TPCN2: variants seen among roughly 807,000 people sequenced by gnomAD.
TPCN2 encodes two pore channel protein 2.
In TPCN2, 92 loss-of-function variants were observed where a neutral mutation model predicts 111.4. That is an observed-to-expected ratio of 0.83 (90% CI 0.70 to 0.98). The LOEUF (loss-of-function observed/expected upper bound fraction) is 0.98. TPCN2 is among the 50% of genes least tolerant of loss of function. The probability of loss-of-function intolerance (pLI) is 0.00; values close to 1 mark genes in which losing one functional copy is unlikely to be tolerated. For synonymous variants in TPCN2, 405 were observed against 414.5 expected (o/e 0.98, Z 0.28); for missense variants, 995 against 980.1 (o/e 1.02, Z -0.20).
chr11:69,084,798 C>CTGCCCAGCCCCCTAACT (rs1856202361), intron 19 of TPCN2: 1 of 985,334 alleles, frequency 1.0e-6, no homozygotes, highest in Non-Finnish European at 1.2e-6. Context: ...CAGGTGCTGT[C>CTGCCCAGCCCCCTAACT]TGCCCAGCCC....
intron 5 of TPCN2, among the ~76,000 whole-genome samples, chr11:69,060,310 T>G (rs1417309866): frequency 6.6e-6 from 1 of 152,228 alleles, no homozygotes; most frequent in Non-Finnish European, 1.5e-5. Flanking sequence ...TGTTTCCGGC[T>G]GGGCCGGCTA....
Position 69,087,951 on chromosome 11 carries a change from T to A in TPCN2, c.2257T>A (p.Ter753ArgextTer123). The A allele has an allele frequency of 6.2e-7, 1 of 1,607,276 alleles. No homozygotes were observed. Among genetic ancestry groups the A allele is most frequent in the Non-Finnish European group, 8.5e-7 (1 of 1,178,432 alleles). Residue 753 changes from the stop codon to arginine (R), a stop_lost, in exon 25 of 25, where the codon TGA becomes AGA. Transcript: ENST00000294309. ...GCACCCGCACCTGTGGCTGTGCAGG[T>A]GACGTCCGGGCTGCCGTCCCAGCAG... Reference protein sequence around the residue: ...SQHPHLWLCR* With the variant: ...SQHPHLWLCRR
intron 3 of TPCN2, 127 bp from the exon 4 acceptor site, chr11:69,055,048 C>A (rs1295467771): frequency 1.0e-5 from 11 of 1,048,132 alleles, no homozygotes; most frequent in Non-Finnish European, 1.4e-5. Flanking sequence ...CGTGATCTCC[C>A]CAGTCACGAG....
chr11:69,067,894 C>T (rs979201822), intron 8 of TPCN2, among the ~76,000 whole-genome samples: 4 of 152,072 alleles, frequency 2.6e-5, no homozygotes, highest in African/African-American at 9.7e-5. Context: ...TCTCCTCTTC[C>T]TCCTTGTCTA....
At chr11:69,066,653 C>T (rs1855285494) in intron 7 of TPCN2, among the ~76,000 whole-genome samples, 1 of 152,208 alleles carries the variant, frequency 6.6e-6, no homozygotes, top group South Asian at 2.1e-4. Context: ...GCGGGGTTGC[C>T]CCTTGGCCAG....
At chr11:69,065,444 C>T (rs994116984) in intron 7 of TPCN2, among the ~76,000 whole-genome samples, 10 of 152,124 alleles carry the variant, frequency 6.6e-5, no homozygotes, top group African/African-American at 1.2e-4. Flanking sequence ...TTCTGCCCCA[C>T]GAAGGGGACC....
chr11:69,073,090 C>A, intron 13 of TPCN2, 89 bp downstream of exon 13: 3 of 977,628 alleles, frequency 3.1e-6, no homozygotes, highest in South Asian at 1.3e-5. Flanking sequence ...TTCTAATGAT[C>A]AGTGCTGGGA....
chr11:69,083,670 C>G (rs11228485), intron 18 of TPCN2, among the ~76,000 whole-genome samples: 1 of 151,810 alleles, frequency 6.6e-6, no homozygotes, highest in Admixed American at 6.6e-5. Context: ...TGAGTGAGTG[C>G]GTGCGGGTGG....
chr11:69,059,453 G>A (rs1472892025), intron 5 of TPCN2, among the ~76,000 whole-genome samples: 1 of 152,222 alleles, frequency 6.6e-6, no homozygotes, highest in African/African-American at 2.4e-5. Context: ...TCTTCACCAT[G>A]TTCACTCCCA....
intron 4 of TPCN2, 87 bp from the exon 5 acceptor site, chr11:69,057,491 T>C: frequency 7.8e-7 from 1 of 1,282,560 alleles, no homozygotes; most frequent in Non-Finnish European, 1.1e-6. Flanking sequence ...TCTGGTCGCC[T>C]GGTCCCTGCG....
rs1425986917 is a variant in TPCN2 at position 69,087,909 on chromosome 11, A to C, written c.2215A>C (p.Thr739Pro). ...GGAGGAGCCCGGGGAGGATGAGCTCACAGAGAGGCTGAGCCAGCACCCGCA... is the reference window on the plus strand; with the variant it reads ...GGAGGAGCCCGGGGAGGATGAGCTCCCAGAGAGGCTGAGCCAGCACCCGCA... Reference protein sequence around the residue: ...ILEEPGEDELTERLSQHPHLW... With the variant: ...ILEEPGEDELPERLSQHPHLW... The change falls in exon 25 of 25, where the codon ACA becomes CCA. Residue 739 changes from threonine to proline, a missense_variant. Coordinates refer to ENST00000294309, the MANE Select transcript of TPCN2 (RefSeq NM_139075.4). 1 of 1,612,478 alleles carries C rather than the reference A, an allele frequency of 6.2e-7. No individual in the cohort carries two copies. The highest frequency in any genetic ancestry group is 1.1e-5 in the South Asian group (1 of 90,914).
chr11:69,057,143 T>C (rs1261106141), intron 4 of TPCN2, among the ~76,000 whole-genome samples: 2 of 152,176 alleles, frequency 1.3e-5, no homozygotes, highest in Admixed American at 6.5e-5. Flanking sequence ...CTGGGGACTT[T>C]CTTGATGGTG....
Position 69,078,806 on chromosome 11 carries a change from C to T in TPCN2, c.1410+13C>T, listed in dbSNP as rs766941681. The T allele has an allele frequency of 6.2e-7, 1 of 1,614,116 alleles. No individual in the cohort carries two copies. Among genetic ancestry groups the T allele is most frequent in the South Asian group, 1.1e-5 (1 of 91,088 alleles). On this transcript the variant is annotated intron_variant, in intron 15 of 24. Coordinates refer to ENST00000294309, the MANE Select transcript of TPCN2 (RefSeq NM_139075.4). ...CTTCATCCTGGGGGTAAGTTCTGAG[C>T]TGTCCACCTGTCAGGGCCAGGGTGA...
rs368657235 is a variant in TPCN2 at position 69,081,437 on chromosome 11, A to T, written c.1627A>T (p.Met543Leu). The change falls in exon 18 of 25, where the codon ATG (methionine) becomes TTG (leucine). Residue 543 changes from methionine to leucine, a missense_variant. Physicochemically the swap from Met to Leu is conservative, Grantham distance 15 (BLOSUM62 2). Coordinates refer to ENST00000294309, the MANE Select transcript of TPCN2 (RefSeq NM_139075.4). ...GGTGGGCCTGCTGTCGCTGTGGGAC[A>T]TGACCCGCATGCTGAACATGCTCAT... is the stretch of plus-strand genomic sequence containing the variant. ...EMVGLLSLWD[M>L]TRMLNMLIVF... 2 of 1,571,572 alleles carry T rather than the reference A, an allele frequency of 1.3e-6. No individual in the cohort carries two copies. Among genetic ancestry groups the T allele is most frequent in the Non-Finnish European group, 1.7e-6 (2 of 1,158,518 alleles).
chr11:69,079,203 G>A (rs775908422), intron 16 of TPCN2, 183 bp downstream of exon 16: 280 of 734,214 alleles, frequency 3.8e-4, no homozygotes, highest in Non-Finnish European at 5.4e-4. Context: ...AGCCGGTGAG[G>A]TCTTTAGGAG....
At chr11:69,083,012 GCA>G (rs1195982097) in intron 18 of TPCN2, among the ~76,000 whole-genome samples, 1 of 145,306 alleles carries the variant, frequency 6.9e-6, no homozygotes, top group Non-Finnish European at 1.5e-5. Context: ...GATCGTGTGT[GCA>G]CACATCGCAT....
rs765116384 is a variant in TPCN2, at chr11:69,087,170, A to G, written c.2144A>G (p.Glu715Gly). The change falls in exon 24 of 25, where the codon GAG (glutamate) becomes GGG (glycine). Residue 715 changes from glutamate to glycine, a missense_variant. By Grantham distance (98) the Glu-to-Gly change is moderately conservative (BLOSUM62 -2). Transcript: ENST00000294309. ...SHLQPLAGTP[E>G]ATYQMTVELL... The stretch of plus-strand genomic sequence containing the variant: ...CTGCAGCCCCTTGCTGGGACCCCAG[A>G]GGCCACCTACCAGATGACTGTGGAG... 1.2e-6 allele frequency: 2 copies of G among 1,613,930 alleles called. No individual in the cohort carries two copies. Among genetic ancestry groups the G allele is most frequent in the South Asian group, 1.1e-5 (1 of 91,076 alleles).
intron 10 of TPCN2, among the ~76,000 whole-genome samples, chr11:69,071,701 G>A (rs151180308): frequency 3.3e-5 from 5 of 152,156 alleles, no homozygotes; most frequent in Admixed American, 2.0e-4. Flanking sequence ...AGCATATTGC[G>A]CAGCACGCCC....
At chr11:69,055,079 C>T in intron 3 of TPCN2, 96 bp from the exon 4 acceptor site, 1 of 1,346,130 alleles carries the variant, frequency 7.4e-7, no homozygotes, top group Non-Finnish European at 1.0e-6. Flanking sequence ...CAGGCAGCGC[C>T]AACTCCCGTG....
Sources: gnomAD v4.1 joint callset for allele counts (sites outside exome capture counted in the v4.1 genomes callset) on GRCh38, gnomAD v4.1.1 for gene constraint, MANE v1.5 for transcripts, NCBI Gene and HGNC (gene_info 2026-07-23, HGNC 2026-07-21) for gene names.